The following C12orf42 variants were observed in gnomAD, a reference collection of about 807,000 sequenced individuals.
C12orf42 encodes the protein uncharacterized protein C12orf42.
A neutral mutation model predicts 21.6 loss-of-function variants in C12orf42; 25 were observed. The ratio of observed to expected loss-of-function variants is 1.16; its 90% confidence interval spans 0.84 to 1.62. C12orf42 has a LOEUF of 1.62. C12orf42 is among the 40% of genes most tolerant of loss of function. C12orf42 has a pLI of 0.00. For synonymous variants in C12orf42, 174 were observed against 175.0 expected, an observed-to-expected ratio of 0.99 and a Z score of 0.05; for missense variants, 483 against 459.3, an observed-to-expected ratio of 1.05 and a Z score of -0.47.
the C12orf42 span, among the ~76,000 whole-genome samples, chr12:103,182,897 T>G: frequency 1.3e-5 from 2 of 152,238 alleles, no homozygotes; most frequent in Non-Finnish European, 2.9e-5. Flanking sequence ...TACTTATACT[T>G]ATTTCTGTCT....
intron 4 of C12orf42, among the ~76,000 whole-genome samples, chr12:103,313,474 G>A (rs2039161793): frequency 6.6e-6 from 1 of 152,192 alleles, no homozygotes; most frequent in Admixed American, 6.5e-5. Context: ...GATCCAGACT[G>A]CTCAAGTCAA....
chr12:103,252,426 C>T (rs1333650990), intron 10 of C12orf42, among the ~76,000 whole-genome samples: 1 of 152,154 alleles, frequency 6.6e-6, no homozygotes, highest in Non-Finnish European at 1.5e-5. Flanking sequence ...TAAAAGCATT[C>T]CTATTTCTCC....
At chr12:103,321,300 C>A (rs2040081221) in intron 4 of C12orf42, among the ~76,000 whole-genome samples, 1 of 151,256 alleles carries the variant, frequency 6.6e-6, no homozygotes, top group African/African-American at 2.4e-5. Context: ...AAATGCAAAT[C>A]AAAACCACAA....
intron 4 of C12orf42, among the ~76,000 whole-genome samples, chr12:103,308,589 A>G (rs182804058): frequency 3.9e-5 from 6 of 152,330 alleles, no homozygotes; most frequent in Admixed American, 3.9e-4. Flanking sequence ...ATAAGTGTTT[A>G]GAGCTTTGGG....
the C12orf42 span, among the ~76,000 whole-genome samples, chr12:103,131,000 G>A: frequency 1.5e-3 from 222 of 152,190 alleles, no homozygotes; most frequent in Non-Finnish European, 2.7e-3. Context: ...GAATTTCTCT[G>A]TACTGACAAT....
chr12:103,180,919 T>C, the C12orf42 span, among the ~76,000 whole-genome samples: 1 of 151,848 alleles, frequency 6.6e-6, no homozygotes, highest in Non-Finnish European at 1.5e-5. Flanking sequence ...TAAGCCACCG[T>C]GCCCAGCCCA....
chr12:103,448,855 T>C (rs2137438557), intron 2 of C12orf42, among the ~76,000 whole-genome samples: 1 of 151,986 alleles, frequency 6.6e-6, no homozygotes, highest in East Asian at 1.9e-4. Flanking sequence ...AAACTATTAA[T>C]AGTACAACCA....
chr12:103,290,776 C>T (rs1198879703), intron 4 of C12orf42, among the ~76,000 whole-genome samples: 1 of 152,042 alleles, frequency 6.6e-6, no homozygotes, highest in African/African-American at 2.4e-5. Context: ...TAATTCCATG[C>T]ACGCTATACA....
Position 103,302,417 on chromosome 12 carries a change from G to C in C12orf42, c.774C>G (p.Pro258=), listed in dbSNP as rs189742644. The change falls in exon 6 of 6, where the codon CCC becomes CCG. Residue 258 remains proline (P), a synonymous_variant. Coordinates refer to ENST00000548883, the MANE Select transcript of C12orf42 (RefSeq NM_198521.5). The part of the protein sequence containing the change: ...MAVPAGAQAH[P]DDIQSRLLGA... ...CCAGGAGTCTGCTTTGGATGTCGTC[G>C]GGGTGTGCCTGAGCGCCTGCTGGGA... 6.2e-7 allele frequency: 1 copy of C among 1,613,900 alleles called. No individual in the cohort carries two copies. The highest frequency in any genetic ancestry group is 8.5e-7 in the Non-Finnish European group (1 of 1,179,862).
At chr12:103,231,535 A>T in the C12orf42 span, among the ~76,000 whole-genome samples, 1 of 152,206 alleles carries the variant, frequency 6.6e-6, no homozygotes, top group Non-Finnish European at 1.5e-5. Context: ...ACTTTTCCAG[A>T]ATATCGTATA....
At chr12:103,173,138 A>T in the C12orf42 span, among the ~76,000 whole-genome samples, 1 of 152,176 alleles carries the variant, frequency 6.6e-6, no homozygotes, top group Non-Finnish European at 1.5e-5. Flanking sequence ...TTAGGGGTCC[A>T]GAGTTGTTCG....
intron 2 of C12orf42, chr12:103,456,164 G>C (rs74469806): frequency 2.0e-5 from 3 of 152,018 alleles, no homozygotes; most frequent in Non-Finnish European, 4.4e-5. Context: ...TTTATATCCC[G>C]GGGCAATTGC....
chr12:103,122,571 T>A, the C12orf42 span, among the ~76,000 whole-genome samples: 4 of 152,124 alleles, frequency 2.6e-5, no homozygotes, highest in Non-Finnish European at 5.9e-5. Flanking sequence ...ACCCCACCGA[T>A]AAAATAATAT....
intron 4 of C12orf42, among the ~76,000 whole-genome samples, chr12:103,313,357 G>A (rs537172143): frequency 6.6e-6 from 1 of 152,300 alleles, no homozygotes; most frequent in East Asian, 1.9e-4. Flanking sequence ...TAGCTAACTG[G>A]GGAGTGAAAG....
the C12orf42 span, among the ~76,000 whole-genome samples, chr12:103,538,689 T>A: frequency 6.6e-6 from 1 of 152,174 alleles, no homozygotes; most frequent in South Asian, 2.1e-4. Flanking sequence ...GGATAAACTG[T>A]TTTTCTGAAA....
chr12:103,204,837 A>G, the C12orf42 span, among the ~76,000 whole-genome samples: 1 of 148,686 alleles, frequency 6.7e-6, no homozygotes, highest in African/African-American at 2.5e-5. Context: ...AGGCAGCCAT[A>G]AAGTAGAATA....
intron 1 of C12orf42, among the ~76,000 whole-genome samples, chr12:103,486,871 C>T (rs539444814): frequency 7.4e-4 from 112 of 152,216 alleles, no homozygotes; most frequent in African/African-American, 2.5e-3. Flanking sequence ...GTCTTGCTAG[C>T]AGTCTATCAA....
chr12:103,143,802 T>C, the C12orf42 span, among the ~76,000 whole-genome samples: 4 of 152,238 alleles, frequency 2.6e-5, no homozygotes, highest in Admixed American at 1.3e-4. Context: ...AACCAAACAC[T>C]GATTAAGAGC....
rs61939888 is a variant in C12orf42 at position 103,486,300 on chromosome 12, G to A, written c.-21-7853C>T. Among the ~76,000 whole-genome samples the A allele has an allele frequency of 6.1e-3, 931 of 152,286 alleles. 6 individuals carry two copies. Among genetic ancestry groups the A allele is most frequent in the Non-Finnish European group, 8.5e-3 (576 of 68,026 alleles). On this transcript the variant is annotated intron_variant, in intron 1 of 5. Coordinates refer to ENST00000548883, the MANE Select transcript of C12orf42 (RefSeq NM_198521.5). ...TTATTAATCTGCATATGTTGAGCCAGCCTTGCATCCCAGTGATGAAGCTGA... is the reference window on the plus strand; with the variant it reads ...TTATTAATCTGCATATGTTGAGCCAACCTTGCATCCCAGTGATGAAGCTGA...
Sources: allele counts gnomAD v4.1 joint callset (sites outside exome capture counted in the v4.1 genomes callset), GRCh38; gene constraint gnomAD v4.1.1; transcripts MANE v1.5; gene names NCBI Gene and HGNC (gene_info 2026-07-23, HGNC 2026-07-21).